PAWR: variants seen among roughly 807,000 people sequenced by gnomAD.
PAWR encodes the protein pro-apoptotic WT1 regulator, also known as PRKC apoptosis WT1 regulator protein.
PAWR carries 23 observed loss-of-function variants against 32.0 expected under a neutral mutation model. The observed-to-expected ratio is 0.72, with a 90% CI of 0.52 to 1.02. The LOEUF is 1.02. Among genes scored for constraint, PAWR ranks in the 50% least tolerant of loss-of-function variants. The pLI, the probability that PAWR is intolerant of heterozygous loss-of-function variation, is 0.00. For missense variants in PAWR, 457 were observed against 437.7 expected, an observed-to-expected ratio of 1.04 and a Z score of -0.39; for synonymous variants, 226 against 187.1, an observed-to-expected ratio of 1.21 and a Z score of -1.70.
chr12:79,604,817 T>C, intron 4 of PAWR: 1 of 454,696 alleles, frequency 2.2e-6, no homozygotes, highest in South Asian at 2.5e-5. Context: ...TTTATTAAAA[T>C]TGATACATAT....
At chr12:79,658,426 T>C (rs1326474404) in intron 2 of PAWR, among the ~76,000 whole-genome samples, 1 of 152,074 alleles carries the variant, frequency 6.6e-6, no homozygotes. Flanking sequence ...TAGTGAGTAA[T>C]AGGGGGTTGT....
intron 4 of PAWR, among the ~76,000 whole-genome samples, chr12:79,612,069 T>A (rs1874463450): frequency 6.6e-6 from 1 of 152,048 alleles, no homozygotes; most frequent in Non-Finnish European, 1.5e-5. Flanking sequence ...TGCTAAAAAT[T>A]TTTTGGTTTG....
intron 2 of PAWR, among the ~76,000 whole-genome samples, chr12:79,628,548 G>C (rs949834985): frequency 6.6e-6 from 1 of 152,028 alleles, no homozygotes; most frequent in Non-Finnish European, 1.5e-5. Context: ...TCAAATAAAG[G>C]TTCTAAATGT....
At chr12:79,648,805 T>C in intron 2 of PAWR, among the ~76,000 whole-genome samples, 1 of 147,394 alleles carries the variant, frequency 6.8e-6, no homozygotes, top group Middle Eastern at 3.2e-3. Context: ...AAAAAAAAAA[T>C]AAAAAAACCC....
At chr12:79,688,582 G>GTT (rs1345193291) in intron 2 of PAWR, 1 of 151,754 alleles carries the variant, frequency 6.6e-6, no homozygotes, top group African/African-American at 2.4e-5. Context: ...GCAGAGGACA[G>GTT]TTTTGCTGGC....
intron 2 of PAWR, among the ~76,000 whole-genome samples, chr12:79,657,825 G>A (rs538281800): frequency 2.0e-5 from 3 of 151,326 alleles, no homozygotes; most frequent in Non-Finnish European, 2.9e-5. Context: ...AGGAGGACTC[G>A]AATAGAACCA....
chr12:79,621,802 A>T (rs1875032083), intron 2 of PAWR, among the ~76,000 whole-genome samples: 1 of 152,166 alleles, frequency 6.6e-6, no homozygotes, highest in African/African-American at 2.4e-5. Flanking sequence ...GGAAAAGCTT[A>T]CAAGAGAAGG....
chr12:79,593,398 T>A (rs938704309), intron 6 of PAWR, among the ~76,000 whole-genome samples: 21 of 152,128 alleles, frequency 1.4e-4, no homozygotes, highest in Non-Finnish European at 2.9e-4. Flanking sequence ...AGCTCTTTTT[T>A]CCCTGTATTA....
chr12:79,648,151 G>A (rs1483803270), intron 2 of PAWR, among the ~76,000 whole-genome samples: 1 of 152,156 alleles, frequency 6.6e-6, no homozygotes, highest in African/African-American at 2.4e-5. Context: ...GGCGACCCCT[G>A]TTCTAACATT....
intron 3 of PAWR, among the ~76,000 whole-genome samples, chr12:79,613,965 ATATATATATATAT>A (rs1874588682): frequency 1.3e-4 from 1 of 7,906 alleles, no homozygotes; most frequent in African/African-American, 7.0e-4. Flanking sequence ...ATATATATAT[ATATATATATATAT>A]ATTTTTTTTT....
At position 79,589,610 on chromosome 12, in the gene PAWR, C is replaced by T. The variant is rs1873488742; in HGVS notation, c.*2997G>A. 1 of 152,034 alleles carries T rather than the reference C, an allele frequency of 6.6e-6. No homozygotes were observed. Among genetic ancestry groups the T allele is most frequent in the Non-Finnish European group, 1.5e-5 (1 of 67,978 alleles). The allele number at this position is 152,034 out of a possible 1,614,324, so 9.4% of individuals were successfully genotyped here. On this transcript the variant is annotated 3_prime_UTR_variant, in exon 7 of 7. Coordinates refer to ENST00000328827, the MANE Select transcript of PAWR (RefSeq NM_002583.4). ...TACCTATAAATACACACCCAAAAGC[C>T]CTTCCCTCCTTCTCTAATGGTAACT...
chr12:79,600,239 G>C (rs531487896), intron 4 of PAWR, among the ~76,000 whole-genome samples: 1 of 152,056 alleles, frequency 6.6e-6, no homozygotes, highest in Non-Finnish European at 1.5e-5. Flanking sequence ...ACTCAAAAAA[G>C]TGTATCTTTG....
intron 2 of PAWR, among the ~76,000 whole-genome samples, chr12:79,671,932 C>G (rs936822373): frequency 2.0e-5 from 3 of 152,116 alleles, no homozygotes; most frequent in African/African-American, 7.2e-5. Context: ...AGCTATACTT[C>G]TGCATGACAT....
intron 2 of PAWR, among the ~76,000 whole-genome samples, chr12:79,685,685 G>C (rs1036466720): frequency 1.3e-5 from 2 of 152,178 alleles, no homozygotes; most frequent in Non-Finnish European, 2.9e-5. Context: ...CTATAGGTTA[G>C]AGGGTCAGAG....
chr12:79,612,607 C>T (rs1309850616), intron 4 of PAWR, among the ~76,000 whole-genome samples: 11 of 152,054 alleles, frequency 7.2e-5, no homozygotes. Context: ...AACCTCACGT[C>T]TCTCATCTAT....
chr12:79,614,479 T>TA (rs370046121), intron 3 of PAWR, among the ~76,000 whole-genome samples: 5 of 150,868 alleles, frequency 3.3e-5, no homozygotes, highest in African/African-American at 4.9e-5. Context: ...TCTAAGCTAC[T>TA]AAAAAAAAAG....
intron 2 of PAWR, among the ~76,000 whole-genome samples, chr12:79,681,901 TTCTGAGA>T (rs1271991754): frequency 6.6e-6 from 1 of 152,222 alleles, no homozygotes; most frequent in Non-Finnish European, 1.5e-5. Context: ...GTTAACTCTG[TTCTGAGA>T]TTTACATTCT....
chr12:79,653,271 G>C (rs1156233307), intron 2 of PAWR, among the ~76,000 whole-genome samples: 1 of 152,082 alleles, frequency 6.6e-6, no homozygotes, highest in Non-Finnish European at 1.5e-5. Flanking sequence ...CCTGACCCCA[G>C]GTGATCCACC....
chr12:79,585,025 T>G lies in PAWR; in HGVS notation c.*7582A>C. ...GATTTTATTCCATAGTCTCTTGGAC[T>G]TGAGAATCCATTTGAGTTTCAGAAA... On this transcript the variant is annotated 3_prime_UTR_variant, in exon 7 of 7. Transcript: ENST00000328827. The G allele has an allele frequency of 3.0e-6, 1 of 335,754 alleles. No homozygotes were observed. Among genetic ancestry groups the G allele is most frequent in the South Asian group, 2.4e-5 (1 of 41,084 alleles). 20.8% of individuals were successfully genotyped at this position (335,754 alleles called of 1,614,324 possible).
Sources: allele counts gnomAD v4.1 joint callset (sites outside exome capture counted in the v4.1 genomes callset), GRCh38; gene constraint gnomAD v4.1.1; transcripts MANE v1.5; gene names NCBI Gene and HGNC (gene_info 2026-07-23, HGNC 2026-07-21).